Variants in KCNC2 observed in about 807,000 individuals in gnomAD.
KCNC2 encodes the protein voltage-gated potassium channel KCNC2.
KCNC2 carries 21 observed loss-of-function variants against 44.5 expected under a neutral mutation model. The ratio of observed to expected loss-of-function variants is 0.47; its 90% CI spans 0.33 to 0.68. The LOEUF is 0.68. Among genes scored for constraint, KCNC2 ranks in the 30% least tolerant of loss-of-function variants. KCNC2 has a pLI of 0.01. For synonymous variants in KCNC2, 391 were observed against 339.1 expected (o/e 1.15, Z -1.68); for missense variants, 589 against 826.2 (o/e 0.71, Z 3.52).
rs1380546005 is a variant in KCNC2 at position 75,200,434 on chromosome 12, T to C, written c.687+6863A>G. On this transcript the variant is annotated intron_variant, in intron 2 of 4. Coordinates refer to ENST00000549446, the MANE Select transcript of KCNC2 (RefSeq NM_139137.4). The stretch of plus-strand genomic sequence containing the variant: ...TTCTTCACCAATTTCACTAATATAA[T>C]ATATATTTTGGACACATATAATAAC... 3.3e-5 allele frequency among the ~76,000 whole-genome samples: 5 copies of C among 151,748 alleles called. No homozygotes were observed. In the East Asian group the frequency reaches 9.7e-4, roughly 29 times the overall value.
At chr12:75,154,488 T>C (rs1890624509) in intron 2 of KCNC2, among the ~76,000 whole-genome samples, 1 of 152,042 alleles carries the variant, frequency 6.6e-6, no homozygotes, top group Non-Finnish European at 1.5e-5. Flanking sequence ...TTTCATTTTA[T>C]GCAGTCTTTA....
intron 2 of KCNC2, among the ~76,000 whole-genome samples, chr12:75,150,355 C>A (rs1015466986): frequency 6.6e-6 from 1 of 151,818 alleles, no homozygotes; most frequent in Admixed American, 6.6e-5. Context: ...ATCACACTAC[C>A]ATTCCTGTAG....
intron 2 of KCNC2, among the ~76,000 whole-genome samples, chr12:75,092,045 T>C (rs1416809939): frequency 6.6e-6 from 1 of 151,626 alleles, no homozygotes; most frequent in East Asian, 1.9e-4. Context: ...CAAAATGTAC[T>C]TTCTGGGCCA....
intron 2 of KCNC2, among the ~76,000 whole-genome samples, chr12:75,206,324 A>G (rs966036619): frequency 4.1e-4 from 62 of 152,146 alleles, no homozygotes; most frequent in Admixed American, 3.9e-3. Flanking sequence ...CCATTCACAT[A>G]CTGTATAATT....
intron 2 of KCNC2, among the ~76,000 whole-genome samples, chr12:75,114,825 TC>T: frequency 6.6e-6 from 1 of 150,692 alleles, no homozygotes; most frequent in South Asian, 2.1e-4. Flanking sequence ...TAGTCCTTTC[TC>T]CAAAAGCTCC....
intron 2 of KCNC2, among the ~76,000 whole-genome samples, chr12:75,121,464 A>G (rs989462112): frequency 6.6e-6 from 1 of 152,198 alleles, no homozygotes; most frequent in African/African-American, 2.4e-5. Context: ...TAACTAGAAA[A>G]TGTAAGTTTT....
At chr12:75,134,178 T>A (rs1309334325) in intron 2 of KCNC2, among the ~76,000 whole-genome samples, 4 of 151,930 alleles carry the variant, frequency 2.6e-5, no homozygotes, top group Non-Finnish European at 5.9e-5. Flanking sequence ...TATTTTCCAC[T>A]TAAATATGTA....
chr12:75,119,649 G>T (rs11180373), intron 2 of KCNC2, among the ~76,000 whole-genome samples: 30,453 of 152,054 alleles, frequency 0.2, 3,521 homozygotes, highest in Admixed American at 0.27. Context: ...CCAGAGAGCT[G>T]CATAGGTCCA....
In KCNC2 at chr12:75,207,483, G is replaced by T; in HGVS notation, c.501C>A (p.Asp167Glu). The T allele has an allele frequency of 6.2e-7, 1 of 1,612,624 alleles. No individual in the cohort carries two copies. The highest frequency in any genetic ancestry group is 8.5e-7 in the Non-Finnish European group (1 of 1,179,808). The change falls in exon 2 of 5, where the codon GAC becomes GAA. Residue 167 changes from aspartate to glutamate, a missense_variant. Physicochemically the swap from Asp to Glu is conservative, Grantham distance 45. This residue lies in a region of KCNC2 where 97 missense variants were observed against 73.3 expected (regional missense o/e 1.32). Coordinates refer to ENST00000549446, the MANE Select transcript of KCNC2 (RefSeq NM_139137.4). This position sits in a 1 kb window ranked among gnomAD's most constrained non-coding sequence, Gnocchi z 4.1. ...RQHRDAEEAL[D>E]IFETPDLIGG... Reference sequence around the variant, plus strand: ...CAATGAGGTCGGGGGTCTCGAAGATGTCCAGCGCCTCCTCGGCGTCGCGGT... The same window carrying T: ...CAATGAGGTCGGGGGTCTCGAAGATTTCCAGCGCCTCCTCGGCGTCGCGGT...
chr12:75,062,200 A>C (rs1216860731), intron 2 of KCNC2, among the ~76,000 whole-genome samples: 1 of 152,096 alleles, frequency 6.6e-6, no homozygotes, highest in Non-Finnish European at 1.5e-5. Flanking sequence ...TCTTCTTTAT[A>C]ACATACATGT....
At position 75,063,594 on chromosome 12, in the gene KCNC2, G is replaced by T. The variant is rs542438399; in HGVS notation, c.688-12277C>A. ...TTAGCAGTGTGTTGAGGGTGATGGTGGGGGAGAGCTGAATAGGCAGAATTT... is the reference window on the plus strand; with the variant it reads ...TTAGCAGTGTGTTGAGGGTGATGGTTGGGGAGAGCTGAATAGGCAGAATTT... On this transcript the variant is annotated intron_variant, in intron 2 of 4. Coordinates refer to ENST00000549446, the MANE Select transcript of KCNC2 (RefSeq NM_139137.4). Among the ~76,000 whole-genome samples the T allele has an allele frequency of 1.1e-4, 17 of 152,150 alleles. 1 individual carries two copies. In the South Asian group the frequency reaches 3.1e-3, roughly 28 times the overall value.
intron 2 of KCNC2, among the ~76,000 whole-genome samples, chr12:75,097,212 A>G (rs551391665): frequency 6.6e-6 from 1 of 152,314 alleles, no homozygotes; most frequent in South Asian, 2.1e-4. Context: ...AACTGGGCAC[A>G]GTAAAAAGAT....
intron 2 of KCNC2, among the ~76,000 whole-genome samples, chr12:75,157,356 G>A (rs537765225): frequency 6.6e-6 from 1 of 151,814 alleles, no homozygotes; most frequent in East Asian, 1.9e-4. Flanking sequence ...AAGGCTAAAA[G>A]AATCACAGAA....
rs1398272899 is a variant in KCNC2, at chr12:75,207,953, T to C, written c.31A>G (p.Ile11Val). 3.7e-6 allele frequency: 6 copies of C among 1,612,680 alleles called. No individual in the cohort carries two copies. In the East Asian group the frequency reaches 1.1e-4, roughly 30 times the overall value. MGKIENNERV[I>V]LNVGGTRHET... The stretch of plus-strand genomic sequence containing the variant: ...TGCCGGGTGCCCCCGACATTGAGGA[T>C]CACCCTCTCGTTGTTCTCGATCTTG... Residue 11 changes from isoleucine (I) to valine (V), a missense_variant, in exon 2 of 5, where the codon ATC becomes GTC. Physicochemically the swap from Ile to Val is conservative, Grantham distance 29. Coordinates refer to ENST00000549446, the MANE Select transcript of KCNC2 (RefSeq NM_139137.4). This position sits in a 1 kb window ranked among gnomAD's most constrained non-coding sequence, Gnocchi z 4.1.
chr12:75,164,736 A>G (rs2446328), intron 2 of KCNC2, among the ~76,000 whole-genome samples: 27,002 of 151,646 alleles, frequency 0.18, 2,585 homozygotes, highest in African/African-American at 0.2. Context: ...TATTTAATCT[A>G]TGAGAATAGC....
At chr12:75,191,215 G>T (rs905713444) in intron 2 of KCNC2, among the ~76,000 whole-genome samples, 5 of 151,534 alleles carry the variant, frequency 3.3e-5, no homozygotes, top group African/African-American at 1.2e-4. Flanking sequence ...AAATGAAAAG[G>T]TACTATGTTC....
At chr12:75,064,342 C>T (rs1882619605) in intron 2 of KCNC2, among the ~76,000 whole-genome samples, 1 of 151,982 alleles carries the variant, frequency 6.6e-6, no homozygotes. Context: ...ATTATCACCT[C>T]CCTATAACAC....
Position 75,073,259 on chromosome 12 carries a change from T to C in KCNC2, c.688-21942A>G, listed in dbSNP as rs1267592257. ...GATAATAATGTATAGCATTCAGTTCTTTTTAAAATAAACTTAATTCTCAAA... is the reference window on the plus strand; with the variant it reads ...GATAATAATGTATAGCATTCAGTTCCTTTTAAAATAAACTTAATTCTCAAA... On this transcript the variant is annotated intron_variant, in intron 2 of 4. Coordinates refer to ENST00000549446, the MANE Select transcript of KCNC2 (RefSeq NM_139137.4). Among the ~76,000 whole-genome samples the C allele has an allele frequency of 2.6e-5, 4 of 152,184 alleles. No individual in the cohort carries two copies. In the South Asian group the frequency reaches 8.3e-4, roughly 31 times the overall value.
chr12:75,140,636 A>G (rs1388190652), intron 2 of KCNC2, among the ~76,000 whole-genome samples: 2 of 152,090 alleles, frequency 1.3e-5, no homozygotes, highest in African/African-American at 4.8e-5. Flanking sequence ...ATACATGTCT[A>G]CTCATGAATA....
Sources: allele counts gnomAD v4.1 joint callset (sites outside exome capture counted in the v4.1 genomes callset), GRCh38; gene constraint gnomAD v4.1.1; regional missense constraint gnomAD v4.1.1; non-coding constraint Gnocchi (gnomAD v3.1); transcripts MANE v1.5; gene names NCBI Gene and HGNC (gene_info 2026-07-23, HGNC 2026-07-21).